Variants in MICOS10 observed in about 807,000 individuals in gnomAD.
MICOS10 encodes the protein MICOS complex subunit MIC10.
Under a neutral mutation model 13.4 loss-of-function variants are expected in MICOS10, and 5 were observed. The observed-to-expected ratio is 0.37, with a 90% CI of 0.20 to 0.78. MICOS10 has a LOEUF of 0.78. Ranked by LOEUF, MICOS10 falls within the 30% of genes least tolerant of loss-of-function variation. MICOS10 has a pLI of 0.47. For missense variants in MICOS10, 101 were observed against 94.6 expected (o/e 1.07, Z -0.28); for synonymous variants, 35 against 33.6 (o/e 1.04, Z -0.15).
intron 2 of MICOS10, among the ~76,000 whole-genome samples, chr1:19,622,946 G>A (rs1248122111): frequency 7.6e-6 from 1 of 130,820 alleles, no homozygotes; most frequent in East Asian, 2.1e-4. Flanking sequence ...TTTTTGAAAC[G>A]GAGTCTTGCT....
At chr1:19,601,643 G>A (rs1016721894) in intron 1 of MICOS10, among the ~76,000 whole-genome samples, 2 of 151,262 alleles carry the variant, frequency 1.3e-5, no homozygotes, top group East Asian at 1.9e-4. Context: ...CTGCTTATTC[G>A]GGTTTTAAAA....
At chr1:19,600,684 C>T in intron 1 of MICOS10, 1 of 356,326 alleles carries the variant, frequency 2.8e-6, no homozygotes, top group Admixed American at 3.7e-5. Context: ...TCACCACAGC[C>T]TTGACCTCCA....
At position 19,628,676 on chromosome 1, in the gene MICOS10, G is replaced by A. The variant is rs1282151685; in HGVS notation, c.*2275G>A. 1 of 100,004 alleles carries A rather than the reference G, an allele frequency of 1.0e-5. No homozygotes were observed. The highest frequency in any genetic ancestry group is 3.3e-4 in the South Asian group (1 of 3,068). The allele number at this position is 100,004 out of a possible 1,614,324, so 6.2% of individuals were successfully genotyped here. ...CAGCCCGGCGACAGAGCGAGAATCT[G>A]TCTCAAAAAAAAAAAAAAAAAAAAA... On this transcript the variant is annotated 3_prime_UTR_variant, in exon 4 of 4. Coordinates refer to ENST00000322753, the MANE Select transcript of MICOS10 (RefSeq NM_001032363.4).
At chr1:19,598,627 G>GAGA (rs375051235) in intron 1 of MICOS10, among the ~76,000 whole-genome samples, 4 of 150,652 alleles carry the variant, frequency 2.7e-5, no homozygotes, top group East Asian at 3.9e-4. Context: ...AAAAAAAAAG[G>GAGA]AGAAGAAGAA....
At chr1:19,615,262 TC>T (rs2100300261) in intron 1 of MICOS10, among the ~76,000 whole-genome samples, 1 of 152,348 alleles carries the variant, frequency 6.6e-6, no homozygotes, top group African/African-American at 2.4e-5. Context: ...ATTTGGACTT[TC>T]GATTTGTTCT....
At chr1:19,601,023 G>C (rs550874710) in intron 1 of MICOS10, 2 of 1,287,616 alleles carry the variant, frequency 1.6e-6, no homozygotes, top group African/African-American at 1.5e-5. Flanking sequence ...TTGCTTCCAG[G>C]GTTCACCAGG....
In MICOS10 at chr1:19,621,983, C is replaced by A. The variant is rs1008535250; in HGVS notation, c.65-117C>A. On this transcript the variant is annotated intron_variant, in intron 1 of 3. Coordinates refer to ENST00000322753, the MANE Select transcript of MICOS10 (RefSeq NM_001032363.4). ...ACGGTTAGAAATTAGAAAATTAATT[C>A]TCTACCAAATTATGAAAAAAAATCT... 3.2e-5 allele frequency: 24 copies of A among 755,014 alleles called. No homozygotes were observed. In the African/African-American group the frequency reaches 3.4e-4, roughly 11 times the overall value. 46.8% of individuals were successfully genotyped at this position (755,014 alleles called of 1,614,324 possible).
rs1015559936 is a variant in MICOS10, at chr1:19,612,161, G to A, written c.65-9939G>A. 3.4e-4 allele frequency among the ~76,000 whole-genome samples: 51 copies of A among 150,050 alleles called. 1 individual carries two copies. The highest frequency in any genetic ancestry group is 1.2e-3 in the African/African-American group (49 of 41,008). ...GGGTTCACGCCATTCTCCTGCCTCA[G>A]CCTCCCAAGTAATTGGGACTACAGG... On this transcript the variant is annotated intron_variant, in intron 1 of 3. Coordinates refer to ENST00000322753, the MANE Select transcript of MICOS10 (RefSeq NM_001032363.4).
At chr1:19,604,042 T>C (rs970984305) in intron 1 of MICOS10, among the ~76,000 whole-genome samples, 1 of 152,216 alleles carries the variant, frequency 6.6e-6, no homozygotes, top group African/African-American at 2.4e-5. Context: ...AGTCATTTTG[T>C]TTTTCTTTTC....
chr1:19,621,050 C>T (rs1231732348), intron 1 of MICOS10, among the ~76,000 whole-genome samples: 1 of 152,194 alleles, frequency 6.6e-6, no homozygotes, highest in Non-Finnish European at 1.5e-5. Flanking sequence ...AGTCCAAATC[C>T]TTTACCTCAT....
intron 1 of MICOS10, among the ~76,000 whole-genome samples, chr1:19,603,520 T>C (rs922110855): frequency 2.6e-5 from 4 of 152,174 alleles, no homozygotes; most frequent in Non-Finnish European, 5.9e-5. Context: ...TTGAGGAAAA[T>C]CTGATTCTGG....
chr1:19,612,169 A>G (rs1323290987), intron 1 of MICOS10, among the ~76,000 whole-genome samples: 1 of 149,674 alleles, frequency 6.7e-6, no homozygotes, highest in African/African-American at 2.5e-5. Flanking sequence ...CAGCCTCCCA[A>G]GTAATTGGGA....
At chr1:19,623,852 C>A in intron 3 of MICOS10, 1 of 287,954 alleles carries the variant, frequency 3.5e-6, no homozygotes, top group Non-Finnish European at 6.4e-6. Flanking sequence ...TGTTTATCAT[C>A]AATGGTAAGG....
intron 3 of MICOS10, 87 bp from the exon 4 acceptor site, chr1:19,626,300 C>T: frequency 1.3e-6 from 2 of 1,549,240 alleles, no homozygotes; most frequent in South Asian, 2.2e-5. Context: ...GGCTTCTGGC[C>T]CTTTGGGTCT....
intron 1 of MICOS10, among the ~76,000 whole-genome samples, chr1:19,602,730 G>T (rs372418865): frequency 8.5e-5 from 13 of 152,262 alleles, no homozygotes; most frequent in African/African-American, 2.9e-4. Flanking sequence ...CAAGGGCTGT[G>T]GTGTTTATTT....
chr1:19,604,229 G>T (rs946201198), intron 1 of MICOS10, among the ~76,000 whole-genome samples: 20 of 152,176 alleles, frequency 1.3e-4, no homozygotes, highest in Non-Finnish European at 1.0e-4. Flanking sequence ...ACTGGAGGCT[G>T]AGTGTGGTGG....
intron 1 of MICOS10, chr1:19,608,657 T>G: frequency 1.6e-6 from 1 of 639,642 alleles, no homozygotes; most frequent in Non-Finnish European, 2.8e-6. Context: ...GAAAATCCTT[T>G]GTGACCTTGG....
chr1:19,616,136 G>A (rs1021241360), intron 1 of MICOS10, among the ~76,000 whole-genome samples: 2 of 152,050 alleles, frequency 1.3e-5, no homozygotes, highest in Non-Finnish European at 2.9e-5. Flanking sequence ...GGCTGGTCTC[G>A]AACTCCTGAC....
At position 19,602,631 on chromosome 1, in the gene MICOS10, G is replaced by A. The variant is rs756439930; in HGVS notation, c.64+5522G>A. ...TGTTCCGTTAGTTTTATGTGAATGC[G>A]TCATTAATGGGTTTTGCTTATTTTA... On this transcript the variant is annotated intron_variant, in intron 1 of 3. Transcript: ENST00000322753. Among the ~76,000 whole-genome samples the A allele has an allele frequency of 6.6e-5, 10 of 152,296 alleles. No individual in the cohort carries two copies. The South Asian group carries it at 1.4e-3, about 22-fold the overall frequency.
Sources: gnomAD v4.1 joint callset for allele counts (sites outside exome capture counted in the v4.1 genomes callset) on GRCh38, gnomAD v4.1.1 for gene constraint, MANE v1.5 for transcripts, NCBI Gene and HGNC (gene_info 2026-07-23, HGNC 2026-07-21) for gene names.